The following ESRRB variants were observed in gnomAD, a reference collection of about 807,000 sequenced individuals.
ESRRB encodes estrogen related receptor beta, also known as steroid hormone receptor ERR2.
ESRRB carries 16 observed loss-of-function variants against 46.0 expected under a neutral mutation model. The ratio of observed to expected loss-of-function variants is 0.35; its 90% CI spans 0.24 to 0.53. The LOEUF (loss-of-function observed/expected upper bound fraction) is 0.53, where lower values mean the gene tolerates loss of function less well. ESRRB is among the 20% of genes least tolerant of loss of function. The pLI is 0.93. For synonymous variants in ESRRB, 246 were observed against 259.6 expected (o/e 0.95, Z 0.50); for missense variants, 488 against 607.4 (o/e 0.80, Z 2.07).
intron 1 of ESRRB, among the ~76,000 whole-genome samples, chr14:76,409,559 C>G (rs145893212): frequency 7.4e-6 from 1 of 135,954 alleles, no homozygotes; most frequent in African/African-American, 2.8e-5. Context: ...TAGTGTATAT[C>G]TGCAGAGGGC....
chr14:76,371,963 G>T (rs2278686), upstream of ESRRB, among the ~76,000 whole-genome samples: 8,182 of 152,210 alleles, frequency 0.054, 336 homozygotes, highest in East Asian at 0.12. Flanking sequence ...TGCAAAAATG[G>T]CTGGTGTCTG....
chr14:76,317,820 C>T (rs967147260), intron 1 of ESRRB, among the ~76,000 whole-genome samples: 11 of 152,168 alleles, frequency 7.2e-5, no homozygotes, highest in African/African-American at 2.7e-4. Context: ...CTCTTAGGCT[C>T]TCCAGCTCTA....
intron 1 of ESRRB, among the ~76,000 whole-genome samples, chr14:76,393,697 G>C (rs1308724414): frequency 1.3e-5 from 2 of 152,210 alleles, no homozygotes; most frequent in African/African-American, 4.8e-5. Flanking sequence ...GCAGATGCCT[G>C]CAAGACTTGA....
At chr14:76,392,554 G>A (rs1800355848) in intron 1 of ESRRB, among the ~76,000 whole-genome samples, 1 of 152,114 alleles carries the variant, frequency 6.6e-6, no homozygotes, top group Non-Finnish European at 1.5e-5. Context: ...AGAATTCCAG[G>A]GGCCCAGAAA....
In ESRRB at chr14:76,349,215, G is replaced by T. The variant is rs557214256; in HGVS notation, c.2+38299G>T. 2.6e-5 allele frequency among the ~76,000 whole-genome samples: 4 copies of T among 152,324 alleles called. No homozygotes were observed. In the East Asian group the frequency reaches 7.7e-4, roughly 30 times the overall value. On this transcript the variant is annotated intron_variant, in intron 1 of 6. Coordinates refer to the ESRRB transcript ENST00000512784. ...AGTCCGGAGTGGCTGAGCTGCTATG[G>T]CGGGAGACAGCTCCCATCAGGAATG... is the stretch of plus-strand genomic sequence containing the variant.
chr14:76,386,210 C>T (rs983306975), intron 1 of ESRRB, among the ~76,000 whole-genome samples: 1 of 152,052 alleles, frequency 6.6e-6, no homozygotes, highest in Non-Finnish European at 1.5e-5. Flanking sequence ...TTCCTCTGAA[C>T]GAATCCCTAT....
intron 1 of ESRRB, among the ~76,000 whole-genome samples, chr14:76,333,656 G>A (rs1195384485): frequency 6.6e-6 from 1 of 150,378 alleles, no homozygotes; most frequent in Non-Finnish European, 1.5e-5. Flanking sequence ...AGAAACAGTT[G>A]AAATCAGTTT....
intron 1 of ESRRB, among the ~76,000 whole-genome samples, chr14:76,333,084 T>A (rs1378123874): frequency 0.11 from 255 of 2,308 alleles, 86 homozygotes; most frequent in Non-Finnish European, 0.15. Flanking sequence ...TATATATTAT[T>A]TATATTATAT....
At chr14:76,376,054 C>A (rs1166493201), upstream of ESRRB, 2 of 138,392 alleles carry the variant, frequency 1.4e-5, no homozygotes, top group Non-Finnish European at 1.5e-5. The surrounding 1 kb of genome is among the most constrained non-coding windows in gnomAD (Gnocchi z 4.1). Flanking sequence ...CACTTTAAGT[C>A]CAGCCCCTGA....
At chr14:76,416,498 T>C (rs1483816392) in intron 1 of ESRRB, among the ~76,000 whole-genome samples, 2 of 152,036 alleles carry the variant, frequency 1.3e-5, no homozygotes, top group African/African-American at 4.8e-5. Context: ...AGATGGAGTG[T>C]CACTCTTGTC....
intron 1 of ESRRB, among the ~76,000 whole-genome samples, chr14:76,363,927 T>C (rs758151417): frequency 1.6e-4 from 24 of 152,336 alleles, no homozygotes; most frequent in Non-Finnish European, 2.9e-4. Flanking sequence ...TCCCCAGAGC[T>C]TCAATTTTCT....
chr14:76,346,644 G>A (rs1395162106), intron 1 of ESRRB, among the ~76,000 whole-genome samples: 2 of 152,152 alleles, frequency 1.3e-5, no homozygotes, highest in African/African-American at 4.8e-5. Context: ...CAGGCAGCCC[G>A]GCTGTGCCCA....
At chr14:76,458,840 C>CTTTTTT (rs58084859) in intron 2 of ESRRB, among the ~76,000 whole-genome samples, 6 of 126,272 alleles carry the variant, frequency 4.8e-5, no homozygotes, top group Non-Finnish European at 6.6e-5. Flanking sequence ...TCACCCTCTC[C>CTTTTTT]TTTTTTTTTT....
chr14:76,383,135 C>A (rs561873273), intron 1 of ESRRB, among the ~76,000 whole-genome samples: 1 of 152,298 alleles, frequency 6.6e-6, no homozygotes, highest in East Asian at 1.9e-4. Context: ...TGGTGTTTAC[C>A]AAAATCCTGC....
rs151021182 is a variant in ESRRB at position 76,485,626 on chromosome 14, T to TGAGAGAGAGAGAGAGAGAGAGAGA, written c.850+2878_850+2901dup. 5.1e-4 allele frequency among the ~76,000 whole-genome samples: 74 copies of TGAGAGAGAGAGAGAGAGAGAGAGA among 143,922 alleles called. No homozygotes were observed. In the East Asian group the frequency reaches 6.3e-3, roughly 12 times the overall value. The allele number at this position is 143,922 out of a possible 152,430, so 94.4% of individuals were successfully genotyped here. ...CATCTGAAGATGGGCTCCCTATCCC[T>TGAGAGAGAGAGAGAGAGAGAGAGA]GAGAGAGAGAGAGAGAGAGAGAGAG... On this transcript the variant is annotated intron_variant, in intron 5 of 6. Transcript: ENST00000644823.
upstream of ESRRB, among the ~76,000 whole-genome samples, chr14:76,370,775 T>G (rs1344434750): frequency 1.3e-5 from 2 of 152,232 alleles, no homozygotes; most frequent in Non-Finnish European, 2.9e-5. Flanking sequence ...TTTGTTTCTA[T>G]GGAGAGACAA....
intron 1 of ESRRB, among the ~76,000 whole-genome samples, chr14:76,406,679 G>A (rs367780169): frequency 6.6e-5 from 10 of 152,196 alleles, no homozygotes; most frequent in African/African-American, 2.4e-4. Context: ...CAGAGGCAGA[G>A]GTTGCGGTGA....
chr14:76,388,152 TAGAATTTCAGCTTTC>T (rs1206942937), intron 1 of ESRRB, among the ~76,000 whole-genome samples: 2 of 151,412 alleles, frequency 1.3e-5, no homozygotes, highest in African/African-American at 4.9e-5. Context: ...TCATTGCATC[TAGAATTTCAGCTTTC>T]TTTCATTCTT....
intron 1 of ESRRB, among the ~76,000 whole-genome samples, chr14:76,391,136 T>C (rs1048433993): frequency 6.6e-6 from 1 of 152,286 alleles, no homozygotes; most frequent in East Asian, 1.9e-4. Flanking sequence ...ATTGGCTGCA[T>C]TGTGGTTTCT....
Sources: gnomAD v4.1 joint callset for allele counts (sites outside exome capture counted in the v4.1 genomes callset) on GRCh38, gnomAD v4.1.1 for gene constraint, Gnocchi (gnomAD v3.1) non-coding constraint, MANE v1.5 for transcripts, NCBI Gene and HGNC (gene_info 2026-07-23, HGNC 2026-07-21) for gene names.